The following DDAH1 variants were observed in gnomAD, a reference collection of about 807,000 sequenced individuals.
DDAH1 encodes dimethylarginine dimethylaminohydrolase 1.
DDAH1 carries 19 observed loss-of-function variants against 28.8 expected under a neutral mutation model. That is an observed-to-expected ratio of 0.66 (90% CI 0.46 to 0.97). The LOEUF is 0.97. Ranked by LOEUF, DDAH1 falls within the 50% of genes least tolerant of loss-of-function variation. The pLI is 0.00. For synonymous variants in DDAH1, 153 were observed against 154.4 expected (o/e 0.99, Z 0.07); for missense variants, 326 against 375.9 (o/e 0.87, Z 1.10).
chr1:85,423,290 A>G (rs1016846154), intron 1 of DDAH1, among the ~76,000 whole-genome samples: 12 of 152,312 alleles, frequency 7.9e-5, no homozygotes, highest in African/African-American at 2.9e-4. Context: ...TCAGTTTGCC[A>G]TTATCTACAG....
At chr1:85,547,270 G>A (rs1268194165) in intron 1 of DDAH1, among the ~76,000 whole-genome samples, 1 of 152,148 alleles carries the variant, frequency 6.6e-6, no homozygotes, top group Non-Finnish European at 1.5e-5. Flanking sequence ...CATTCAACAT[G>A]AGAATGCACA....
chr1:85,561,507 A>G (rs1272077460), intron 1 of DDAH1, among the ~76,000 whole-genome samples: 1 of 152,034 alleles, frequency 6.6e-6, no homozygotes, highest in African/African-American at 2.4e-5. Context: ...ACATGATGCT[A>G]AATGTCTCTG....
At chr1:85,396,617 A>G (rs1651826268) in intron 1 of DDAH1, among the ~76,000 whole-genome samples, 1 of 152,220 alleles carries the variant, frequency 6.6e-6, no homozygotes, top group African/African-American at 2.4e-5. Flanking sequence ...GCCACCTGGA[A>G]GTCCAAAAGA....
chr1:85,552,921 G>C (rs1658841909), intron 1 of DDAH1, among the ~76,000 whole-genome samples: 1 of 151,934 alleles, frequency 6.6e-6, no homozygotes, highest in Non-Finnish European at 1.5e-5. Context: ...ATCTGGGATG[G>C]CCTTATGACT....
At chr1:85,332,439 A>T (rs1004709223) in intron 4 of DDAH1, among the ~76,000 whole-genome samples, 4 of 152,170 alleles carry the variant, frequency 2.6e-5, no homozygotes, top group African/African-American at 9.7e-5. Context: ...CCCACAGTAG[A>T]AGGGCTGCTT....
intron 4 of DDAH1, among the ~76,000 whole-genome samples, chr1:85,337,328 C>T (rs752016397): frequency 2.6e-5 from 4 of 152,006 alleles, no homozygotes; most frequent in South Asian, 2.1e-4. Flanking sequence ...AAGTGCATCT[C>T]GTAAAAAATT....
intron 1 of DDAH1, among the ~76,000 whole-genome samples, chr1:85,531,605 G>A (rs1658094143): frequency 1.3e-5 from 2 of 148,540 alleles, no homozygotes; most frequent in Non-Finnish European, 3.0e-5. Flanking sequence ...AGGGAAGTGG[G>A]TATTTTTTTC....
At chr1:85,447,493 G>C (rs1654488123) in intron 1 of DDAH1, among the ~76,000 whole-genome samples, 2 of 152,170 alleles carry the variant, frequency 1.3e-5, no homozygotes, top group South Asian at 2.1e-4. Flanking sequence ...AGTAGAAAGA[G>C]AGACTTCATG....
rs1278824669 is a variant in DDAH1 at position 85,382,092 on chromosome 1, G to C, written c.304-23245C>G. ...GCTAGAAATTATGAAGCTTAGTGAGGAAGGTATGTTAAAAGCTGAGACAGG... is the reference window on the plus strand; with the variant it reads ...GCTAGAAATTATGAAGCTTAGTGAGCAAGGTATGTTAAAAGCTGAGACAGG... On this transcript the variant is annotated intron_variant, in intron 1 of 5. Transcript: ENST00000284031. Among the ~76,000 whole-genome samples the C allele has an allele frequency of 2.6e-5, 4 of 152,314 alleles. No homozygotes were observed. In the East Asian group the frequency reaches 7.7e-4, roughly 29 times the overall value.
intron 1 of DDAH1, among the ~76,000 whole-genome samples, chr1:85,550,219 A>G (rs1461053697): frequency 6.6e-6 from 1 of 152,134 alleles, no homozygotes; most frequent in Non-Finnish European, 1.5e-5. Context: ...AGACCTAATG[A>G]CCTGTCTAGG....
At chr1:85,535,491 T>C (rs1172219334) in intron 1 of DDAH1, among the ~76,000 whole-genome samples, 2 of 95,432 alleles carry the variant, frequency 2.1e-5, no homozygotes, top group African/African-American at 8.3e-5. Flanking sequence ...CAGTGTTGTA[T>C]ATATGTTTCA....
upstream of DDAH1, among the ~76,000 whole-genome samples, chr1:85,468,950 G>A (rs1397926102): frequency 1.3e-5 from 2 of 152,090 alleles, no homozygotes; most frequent in African/African-American, 2.4e-5. Context: ...GGGAATTATC[G>A]GAGCTACAGT....
rs1318439765 is a variant in DDAH1 at position 85,319,642 on chromosome 1, ATAT to A, written c.*1807_*1809del. 1.2e-4 allele frequency: 19 copies of A among 152,322 alleles called. No individual in the cohort carries two copies. Among genetic ancestry groups the A allele is most frequent in the African/African-American group, 4.3e-4 (18 of 41,574 alleles). 9.4% of individuals were successfully genotyped at this position (152,322 alleles called of 1,614,324 possible). On this transcript the variant is annotated 3_prime_UTR_variant, in exon 6 of 6. Coordinates refer to ENST00000284031, the MANE Select transcript of DDAH1 (RefSeq NM_012137.4). ...CATTCGTTCTCTCTCTGGTAAAAAGATATTATTCATCTCTGATGAGATGGTTCA... is the reference window on the plus strand; with the variant it reads ...CATTCGTTCTCTCTCTGGTAAAAAGATATTCATCTCTGATGAGATGGTTCA...
intron 1 of DDAH1, among the ~76,000 whole-genome samples, chr1:85,405,564 C>A (rs1321286916): frequency 6.6e-6 from 1 of 152,014 alleles, no homozygotes; most frequent in African/African-American, 2.4e-5. Context: ...TGTATCAAGG[C>A]ATGGTCCATT....
intron 2 of DDAH1, among the ~76,000 whole-genome samples, chr1:85,477,679 A>AAT (rs984641556): frequency 1.2e-4 from 18 of 151,910 alleles, no homozygotes; most frequent in Admixed American, 2.0e-4. Context: ...TATATATAGA[A>AAT]ATATATATAG....
intron 1 of DDAH1, among the ~76,000 whole-genome samples, chr1:85,406,340 A>AT (rs59364112): frequency 6.6e-6 from 1 of 152,162 alleles, no homozygotes; most frequent in African/African-American, 2.4e-5. Context: ...ACTTAAAAAT[A>AT]TTTTTTTAAG....
At chr1:85,500,312 T>A (rs1656779372) in intron 1 of DDAH1, among the ~76,000 whole-genome samples, 1 of 149,610 alleles carries the variant, frequency 6.7e-6, no homozygotes, top group South Asian at 2.1e-4. Context: ...TTACTTTCAT[T>A]TTTTTAAAGG....
intron 4 of DDAH1, among the ~76,000 whole-genome samples, chr1:85,330,110 C>T (rs1303047533): frequency 6.6e-6 from 1 of 152,170 alleles, no homozygotes; most frequent in Admixed American, 6.5e-5. Context: ...CATGTATGTA[C>T]ACAAGACAGG....
chr1:85,456,256 A>C (rs1439718875), intron 1 of DDAH1, among the ~76,000 whole-genome samples: 1 of 152,270 alleles, frequency 6.6e-6, no homozygotes, highest in Non-Finnish European at 1.5e-5. Flanking sequence ...TTTACGCTGC[A>C]CTTGAGATTC....
Sources: allele counts gnomAD v4.1 joint callset (sites outside exome capture counted in the v4.1 genomes callset), GRCh38; gene constraint gnomAD v4.1.1; transcripts MANE v1.5; gene names NCBI Gene and HGNC (gene_info 2026-07-23, HGNC 2026-07-21).